Variants in MYO1E observed in about 807,000 individuals in gnomAD.
The protein encoded by MYO1E is unconventional myosin-Ie.
Under a neutral mutation model 151.1 loss-of-function variants are expected in MYO1E, and 68 were observed. The observed-to-expected ratio is 0.45, with a 90% CI of 0.37 to 0.55. The LOEUF is 0.55. Among genes scored for constraint, MYO1E ranks in the 20% least tolerant of loss-of-function variants. MYO1E has a pLI of 0.00. For missense variants in MYO1E, 1,363 were observed against 1,389.3 expected (o/e 0.98, Z 0.30); for synonymous variants, 601 against 501.7 (o/e 1.20, Z -2.64).
intron 10 of MYO1E, among the ~76,000 whole-genome samples, chr15:59,217,389 A>G (rs2079925293): frequency 6.6e-6 from 1 of 152,028 alleles, no homozygotes; most frequent in African/African-American, 2.4e-5. Context: ...AGATTTAGCT[A>G]AGGTATCTTG....
In MYO1E at chr15:59,372,649, A is replaced by G. The variant is rs2140449244; in HGVS notation, c.-149T>C. ...CAAGCACTCACAGGAGCCAATGGGA[A>G]CCCAGAGGGGACTCCATCCAGGCGG... is the stretch of plus-strand genomic sequence containing the variant. On this transcript the variant is annotated 5_prime_UTR_variant, in exon 1 of 28. Transcript: ENST00000288235. The G allele has an allele frequency of 1.0e-6, 1 of 977,308 alleles. No homozygotes were observed. The highest frequency in any genetic ancestry group is 1.5e-6 in the Non-Finnish European group (1 of 672,700). The allele number at this position is 977,308 out of a possible 1,614,324, so 60.5% of individuals were successfully genotyped here. A position where few individuals can be genotyped will look rare whatever the true frequency, so the allele number is the denominator to read the frequency against.
intron 1 of MYO1E, among the ~76,000 whole-genome samples, chr15:59,369,133 A>G (rs1377726508): frequency 2.0e-5 from 3 of 152,242 alleles, no homozygotes; most frequent in Non-Finnish European, 2.9e-5. Flanking sequence ...AACATTTGAA[A>G]TGTATTCCAG....
Position 59,210,367 on chromosome 15 carries a change from A to T in MYO1E, c.1362+147T>A, listed in dbSNP as rs560148069. 14 of 676,058 alleles carry T rather than the reference A, an allele frequency of 2.1e-5. No individual in the cohort carries two copies. The East Asian group carries it at 3.5e-4, about 17-fold the overall frequency. The allele number at this position is 676,058 out of a possible 1,614,324, so 41.9% of individuals were successfully genotyped here. A position where few individuals can be genotyped will look rare whatever the true frequency, so the allele number is the denominator to read the frequency against. On this transcript the variant is annotated intron_variant, in intron 13 of 27. Transcript: ENST00000288235. The stretch of plus-strand genomic sequence containing the variant: ...AATAAAGCCGTACTGTTCTCTTTTC[A>T]CACATACAGAAAACTAGTACAATTG...
Position 59,216,933 on chromosome 15 carries a change from C to CATCACTCATCACTGGCT in MYO1E, c.1107+957_1107+958insAGCCAGTGATGAGTGAT, listed in dbSNP as rs1566982029. ...AAAAAACTGGCTTCTTGCTCATTCT[C>CATCACTCATCACTGGCT]TCTTTCAGATCACTCGCTCTGGGGA... On this transcript the variant is annotated intron_variant, in intron 10 of 27. Transcript: ENST00000288235. Among the ~76,000 whole-genome samples the CATCACTCATCACTGGCT allele has an allele frequency of 1.5e-3, 232 of 151,980 alleles. 1 individual carries two copies. Among genetic ancestry groups the CATCACTCATCACTGGCT allele is most frequent in the African/African-American group, 5.3e-3 (218 of 41,452 alleles).
At chr15:59,366,861 A>G (rs547389987) in intron 1 of MYO1E, among the ~76,000 whole-genome samples, 1 of 152,284 alleles carries the variant, frequency 6.6e-6, no homozygotes, top group South Asian at 2.1e-4. Flanking sequence ...TACCTTTGGC[A>G]TTTAACCTTT....
intron 9 of MYO1E, among the ~76,000 whole-genome samples, chr15:59,221,267 C>A (rs1309013802): frequency 6.6e-6 from 1 of 151,822 alleles, no homozygotes; most frequent in African/African-American, 2.4e-5. Flanking sequence ...GCCTCAGCCT[C>A]CTGAAGTGCT....
rs375738691 is a variant in MYO1E, at chr15:59,183,927, CAT to C, written c.1904+4189_1904+4190del. On this transcript the variant is annotated intron_variant, in intron 18 of 27. Coordinates refer to ENST00000288235, the MANE Select transcript of MYO1E (RefSeq NM_004998.4). Reference sequence around the variant, plus strand: ...TTTAGCTCCCACAAATAAGTGAGAACATGTGATGTTTGTCTTTCTGTGCCTGG... The same window carrying C: ...TTTAGCTCCCACAAATAAGTGAGAACGTGATGTTTGTCTTTCTGTGCCTGG... Among the ~76,000 whole-genome samples, 496 of 152,168 alleles carry C rather than the reference CAT, an allele frequency of 3.3e-3. 1 individual carries two copies. The highest frequency in any genetic ancestry group is 0.011 in the African/African-American group (456 of 41,468).
intron 1 of MYO1E, 63 bp downstream of exon 1, chr15:59,372,435 A>ACGC (rs533877548): frequency 6.5e-7 from 1 of 1,534,894 alleles, no homozygotes; most frequent in South Asian, 1.2e-5. Flanking sequence ...TGGGTGCACC[A>ACGC]CGCCGGGGTT....
chr15:59,277,429 C>T (rs1250663662), intron 1 of MYO1E, among the ~76,000 whole-genome samples: 7 of 151,576 alleles, frequency 4.6e-5, no homozygotes, highest in Admixed American at 2.6e-4. Context: ...CTTGTAGTCC[C>T]GGCTACTCGG....
intron 9 of MYO1E, among the ~76,000 whole-genome samples, chr15:59,220,726 G>T (rs2079949334): frequency 6.6e-6 from 1 of 151,788 alleles, no homozygotes; most frequent in African/African-American, 2.4e-5. Flanking sequence ...AACAGCAGAA[G>T]ATCAGAAACC....
In MYO1E at chr15:59,134,984, C is replaced by T. The variant is rs1440176382; in HGVS notation, c.*2396G>A. On this transcript the variant is annotated 3_prime_UTR_variant, in exon 28 of 28. Transcript: ENST00000288235. ...TATCCCAGATTTTTCTGGTAGTCCC[C>T]ATGTTGAATTTCTAAATATATACAA... The T allele has an allele frequency of 2.0e-5, 3 of 152,220 alleles. No individual in the cohort carries two copies. Among genetic ancestry groups the T allele is most frequent in the Admixed American group, 1.3e-4 (2 of 15,284 alleles). 9.4% of individuals were successfully genotyped at this position (152,220 alleles called of 1,614,324 possible). A position where few individuals can be genotyped will look rare whatever the true frequency, so the allele number is the denominator to read the frequency against.
chr15:59,222,512 T>C (rs2079962151), intron 9 of MYO1E, among the ~76,000 whole-genome samples: 1 of 152,192 alleles, frequency 6.6e-6, no homozygotes, highest in Non-Finnish European at 1.5e-5. Context: ...TCATTAAAAG[T>C]GATCATCAGA....
chr15:59,191,317 TCAGA>T (rs1360824484), intron 17 of MYO1E, among the ~76,000 whole-genome samples: 3 of 92,958 alleles, frequency 3.2e-5, no homozygotes, highest in Non-Finnish European at 4.0e-5. Flanking sequence ...CCCATATAAG[TCAGA>T]CAGACAGAGA....
At chr15:59,253,901 C>CTTTTTTTTTTTTTTTTTTTTTTTTTTTTT (rs34819314) in intron 4 of MYO1E, among the ~76,000 whole-genome samples, 32 of 135,838 alleles carry the variant, frequency 2.4e-4, no homozygotes, top group Non-Finnish European at 4.3e-4. Flanking sequence ...GACAAACAAC[C>CTTTTTTTTTTTTTTTTTTTTTTTTTTTTT]TTTTTTTTTT....
intron 14 of MYO1E, 41 bp downstream of exon 14, chr15:59,208,640 G>A (rs1385381344): frequency 1.9e-6 from 3 of 1,611,522 alleles, no homozygotes; most frequent in Non-Finnish European, 8.5e-7. Context: ...CAAACCCAAA[G>A]GCTTAAAACA....
chr15:59,173,977 T>G (rs1453110141), intron 20 of MYO1E, 62 bp from the exon 21 acceptor site: 1 of 1,572,028 alleles, frequency 6.4e-7, no homozygotes, highest in African/African-American at 1.4e-5. Flanking sequence ...GGGAGGAAAA[T>G]ACTGTGGAAA....
rs368609708 is a variant in MYO1E at position 59,202,350 on chromosome 15, T to G, written c.1674A>C (p.Pro558=). ...ENLQADKKGR[P]TTAGSKIKKQ... ...CCTTTATTTTGCTTCCGGCAGTAGTTGGGCGCCCTTTCTTGTCAGCCTGCA... is the reference window on the plus strand; with the variant it reads ...CCTTTATTTTGCTTCCGGCAGTAGTGGGGCGCCCTTTCTTGTCAGCCTGCA... The change falls in exon 16 of 28, where the codon CCA becomes CCC. Residue 558 remains proline, a synonymous_variant. Coordinates refer to ENST00000288235, the MANE Select transcript of MYO1E (RefSeq NM_004998.4). 6.2e-7 allele frequency: 1 copy of G among 1,614,038 alleles called. No individual in the cohort carries two copies. The highest frequency in any genetic ancestry group is 8.5e-7 in the Non-Finnish European group (1 of 1,179,996).
intron 1 of MYO1E, among the ~76,000 whole-genome samples, chr15:59,272,997 T>C (rs1364854977): frequency 1.3e-5 from 2 of 152,226 alleles, no homozygotes; most frequent in African/African-American, 4.8e-5. Flanking sequence ...TCTAAATTAC[T>C]TTCCCTTCAT....
chr15:59,347,455 T>C (rs1315351113), intron 1 of MYO1E, among the ~76,000 whole-genome samples: 4 of 152,212 alleles, frequency 2.6e-5, no homozygotes, highest in Non-Finnish European at 5.9e-5. Flanking sequence ...TCCAAAGAGA[T>C]TTTCTTATGG....
Sources: gnomAD v4.1 joint callset for allele counts (sites outside exome capture counted in the v4.1 genomes callset) on GRCh38, gnomAD v4.1.1 for gene constraint, MANE v1.5 for transcripts, NCBI Gene and HGNC (gene_info 2026-07-23, HGNC 2026-07-21) for gene names.